MYO6: variants seen among roughly 807,000 people sequenced by gnomAD.
MYO6 encodes the protein myosin VI.
A neutral mutation model predicts 178.7 loss-of-function variants in MYO6; 74 were observed. That is an observed-to-expected ratio of 0.41 (90% CI 0.34 to 0.50). The LOEUF (loss-of-function observed/expected upper bound fraction) is 0.50, where lower values mean the gene tolerates loss of function less well. MYO6 is among the 20% of genes least tolerant of loss of function. The pLI is 0.09. For synonymous variants in MYO6, 477 were observed against 504.6 expected, an observed-to-expected ratio of 0.95 and a Z score of 0.73; for missense variants, 1,330 against 1,547.4, an observed-to-expected ratio of 0.86 and a Z score of 2.36.
intron 11 of MYO6, among the ~76,000 whole-genome samples, chr6:75,850,756 C>T (rs1775185942): frequency 6.6e-6 from 1 of 152,100 alleles, no homozygotes; most frequent in Non-Finnish European, 1.5e-5. Flanking sequence ...ATAATAGTAC[C>T]TACCTCATGT....
chr6:75,865,668 C>T (rs926023864), intron 16 of MYO6, among the ~76,000 whole-genome samples: 3 of 152,048 alleles, frequency 2.0e-5, no homozygotes, highest in African/African-American at 7.2e-5. Context: ...CCTAGCCCAA[C>T]ATCACTTTTC....
intron 7 of MYO6, among the ~76,000 whole-genome samples, chr6:75,839,797 A>G (rs973564759): frequency 6.6e-6 from 1 of 152,166 alleles, no homozygotes; most frequent in Non-Finnish European, 1.5e-5. Flanking sequence ...TTCACTGGAT[A>G]TACATGTAAA....
intron 1 of MYO6, among the ~76,000 whole-genome samples, chr6:75,779,816 C>A (rs1180149093): frequency 6.6e-6 from 1 of 152,222 alleles, no homozygotes; most frequent in African/African-American, 2.4e-5. Flanking sequence ...AAATGACTTA[C>A]CTTTTTCTTA....
chr6:75,889,769 G>T (rs541599839), intron 25 of MYO6, among the ~76,000 whole-genome samples: 1 of 152,256 alleles, frequency 6.6e-6, no homozygotes, highest in Non-Finnish European at 1.5e-5. Context: ...CTGTCTAATT[G>T]ATGTGTAATA....
At chr6:75,749,913 G>A (rs527390352) in intron 1 of MYO6, among the ~76,000 whole-genome samples, 3 of 152,230 alleles carry the variant, frequency 2.0e-5, no homozygotes, top group Middle Eastern at 3.4e-3. Flanking sequence ...AGTACCTTGA[G>A]TATGTTAATT....
intron 2 of MYO6, 134 bp from the exon 3 acceptor site, chr6:75,822,648 A>C: frequency 1.5e-6 from 1 of 673,072 alleles, no homozygotes; most frequent in Non-Finnish European, 2.7e-6. Flanking sequence ...CTTGTTAAAT[A>C]GTATTATCTG....
At chr6:75,885,345 C>G (rs1778344874) in intron 23 of MYO6, among the ~76,000 whole-genome samples, 1 of 152,124 alleles carries the variant, frequency 6.6e-6, no homozygotes, top group Non-Finnish European at 1.5e-5. Context: ...ACCAGCCTGG[C>G]CGACATGGCA....
intron 16 of MYO6, among the ~76,000 whole-genome samples, chr6:75,864,831 T>G (rs1170865549): frequency 6.6e-6 from 1 of 152,256 alleles, no homozygotes; most frequent in Non-Finnish European, 1.5e-5. Flanking sequence ...CACTTAGATG[T>G]GGCAGGCACT....
chr6:75,778,796 C>G (rs867107715), intron 1 of MYO6, among the ~76,000 whole-genome samples: 1 of 151,474 alleles, frequency 6.6e-6, no homozygotes, highest in Non-Finnish European at 1.5e-5. Flanking sequence ...GTGGCTCACG[C>G]CTGTAATCCC....
In MYO6 at chr6:75,903,899, A is replaced by G. The variant is rs1780039175; in HGVS notation, c.3177-3706A>G. On this transcript the variant is annotated intron_variant, in intron 30 of 34. Transcript: ENST00000369977. ...CCTTTCCATGTTTAGCGCTTCCTTCAGGAGCTCTTTTAGGGCAGGCCTGGT... is the reference window on the plus strand; with the variant it reads ...CCTTTCCATGTTTAGCGCTTCCTTCGGGAGCTCTTTTAGGGCAGGCCTGGT... 2.0e-5 allele frequency among the ~76,000 whole-genome samples: 3 copies of G among 151,292 alleles called. No individual in the cohort carries two copies. The South Asian group carries it at 6.3e-4, about 32-fold the overall frequency.
At chr6:75,844,410 A>G (rs1036740920) in intron 9 of MYO6, among the ~76,000 whole-genome samples, 3 of 152,162 alleles carry the variant, frequency 2.0e-5, no homozygotes, top group African/African-American at 7.2e-5. Context: ...TAAATGTGAA[A>G]AGCATGTTTT....
In MYO6 at chr6:75,828,517, G is replaced by A. The variant is rs369388329; in HGVS notation, c.188-23G>A. 42 of 1,317,992 alleles carry A rather than the reference G, an allele frequency of 3.2e-5. No individual in the cohort carries two copies. The African/African-American group carries it at 5.2e-4, about 16-fold the overall frequency. 81.6% of individuals were successfully genotyped at this position (1,317,992 alleles called of 1,614,324 possible). On this transcript the variant is annotated intron_variant, in intron 3 of 34. Transcript: ENST00000369977. ...TATTTGTTTTCTTCAATTCTCTAAT[G>A]ACATATAAATTTTATGTCTTAGGTT...
chr6:75,760,125 A>G (rs1336251917), intron 1 of MYO6, among the ~76,000 whole-genome samples: 1 of 152,226 alleles, frequency 6.6e-6, no homozygotes, highest in East Asian at 1.9e-4. Context: ...CATAGAAGCA[A>G]GACTATTGGG....
intron 11 of MYO6, among the ~76,000 whole-genome samples, chr6:75,854,277 T>TGC (rs1441023576): frequency 6.4e-5 from 1 of 15,560 alleles, no homozygotes; most frequent in African/African-American, 1.1e-4. Context: ...CTGCATTGCT[T>TGC]TTTTTTTTTT....
chr6:75,837,534 T>C (rs1773767222), intron 7 of MYO6, among the ~76,000 whole-genome samples: 1 of 152,170 alleles, frequency 6.6e-6, no homozygotes, highest in African/African-American at 2.4e-5. Flanking sequence ...GCTCTTGACA[T>C]CTTAAAGAAA....
chr6:75,757,279 A>G (rs1777520505), intron 1 of MYO6, among the ~76,000 whole-genome samples: 1 of 148,772 alleles, frequency 6.7e-6, no homozygotes, highest in Non-Finnish European at 1.5e-5. Flanking sequence ...ATAGACATAT[A>G]CACAATATAT....
chr6:75,858,592 T>C (rs1476731368), intron 13 of MYO6, among the ~76,000 whole-genome samples: 1 of 152,032 alleles, frequency 6.6e-6, no homozygotes, highest in East Asian at 1.9e-4. Context: ...GTGACAGGGA[T>C]CCTATCTCAA....
chr6:75,837,020 C>T (rs1384953734), intron 7 of MYO6, among the ~76,000 whole-genome samples: 1 of 152,180 alleles, frequency 6.6e-6, no homozygotes, highest in Non-Finnish European at 1.5e-5. Context: ...AGTCATGTTT[C>T]TTCTGACTCC....
intron 3 of MYO6, among the ~76,000 whole-genome samples, chr6:75,824,588 A>G (rs1455421650): frequency 6.6e-6 from 1 of 152,092 alleles, no homozygotes; most frequent in Non-Finnish European, 1.5e-5. Flanking sequence ...AGGGTCTCAC[A>G]TGCATATTTC....
Sources: gnomAD v4.1 joint callset for allele counts (sites outside exome capture counted in the v4.1 genomes callset) on GRCh38, gnomAD v4.1.1 for gene constraint, MANE v1.5 for transcripts, NCBI Gene and HGNC (gene_info 2026-07-23, HGNC 2026-07-21) for gene names.